Variants in ADRA1A observed in about 807,000 individuals in gnomAD.
ADRA1A encodes the protein alpha-1A adrenergic receptor.
A neutral mutation model predicts 29.6 loss-of-function variants in ADRA1A; 31 were observed. The ratio of observed to expected loss-of-function variants is 1.05; its 90% CI spans 0.79 to 1.41. The LOEUF (loss-of-function observed/expected upper bound fraction) is 1.41, where lower values mean the gene tolerates loss of function less well. Ranked by LOEUF, ADRA1A falls within the 40% of genes most tolerant of loss-of-function variation. The pLI is 0.00. For synonymous variants in ADRA1A, 311 were observed against 254.3 expected, an observed-to-expected ratio of 1.22 and a Z score of -2.12; for missense variants, 619 against 601.1, an observed-to-expected ratio of 1.03 and a Z score of -0.31.
At chr8:26,832,278 C>T (rs1244720505) in intron 2 of ADRA1A, among the ~76,000 whole-genome samples, 1 of 152,160 alleles carries the variant, frequency 6.6e-6, no homozygotes, top group African/African-American at 2.4e-5. Flanking sequence ...AGTGACCTGG[C>T]AACATCGTTA....
At chr8:26,829,024 A>G (rs1025409586) in intron 2 of ADRA1A, among the ~76,000 whole-genome samples, 1 of 152,214 alleles carries the variant, frequency 6.6e-6, no homozygotes, top group African/African-American at 2.4e-5. Flanking sequence ...TCAAGTGTAT[A>G]GTGGCTGGTG....
intron 2 of ADRA1A, among the ~76,000 whole-genome samples, chr8:26,850,108 T>C (rs1812517637): frequency 6.7e-6 from 1 of 148,954 alleles, no homozygotes; most frequent in Non-Finnish European, 1.5e-5. Context: ...GCAGAGGACA[T>C]CATCATTAAA....
chr8:26,856,669 C>A (rs1010157599), intron 2 of ADRA1A, among the ~76,000 whole-genome samples: 3 of 152,174 alleles, frequency 2.0e-5, no homozygotes, highest in African/African-American at 7.2e-5. Context: ...TAGTCAAGCC[C>A]TCCTTCCCAG....
chr8:26,804,394 T>C (rs1332552184), intron 2 of ADRA1A, among the ~76,000 whole-genome samples: 1 of 152,120 alleles, frequency 6.6e-6, no homozygotes, highest in Non-Finnish European at 1.5e-5. Flanking sequence ...GTATAAAAAA[T>C]TATACCTATT....
chr8:26,803,346 T>A (rs1362942220), intron 2 of ADRA1A, among the ~76,000 whole-genome samples: 1 of 152,156 alleles, frequency 6.6e-6, no homozygotes. Context: ...ATGTACTCCA[T>A]AAATGTATCC....
intron 2 of ADRA1A, among the ~76,000 whole-genome samples, chr8:26,833,039 C>T (rs527340): frequency 0.23 from 34,609 of 152,076 alleles, 4,244 homozygotes; most frequent in Non-Finnish European, 0.28. Context: ...CACGGGTGCA[C>T]GATCACATGT....
intron 2 of ADRA1A, among the ~76,000 whole-genome samples, chr8:26,793,184 A>C (rs1052207524): frequency 2.0e-5 from 3 of 151,972 alleles, no homozygotes; most frequent in African/African-American, 7.2e-5. Flanking sequence ...TTATGTACCA[A>C]GAGATAGCAA....
At chr8:26,794,998 T>G (rs1476982115) in intron 2 of ADRA1A, among the ~76,000 whole-genome samples, 1 of 152,138 alleles carries the variant, frequency 6.6e-6, no homozygotes, top group African/African-American at 2.4e-5. Context: ...AAACGTTGTA[T>G]TTTTTAAAAA....
At chr8:26,755,056 T>G (rs537828273), downstream of ADRA1A, among the ~76,000 whole-genome samples, 1 of 152,374 alleles carries the variant, frequency 6.6e-6, no homozygotes, top group South Asian at 2.1e-4. Context: ...AAACAATTTC[T>G]CAATTAGTAG....
At chr8:26,850,688 C>T (rs1416210428) in intron 2 of ADRA1A, among the ~76,000 whole-genome samples, 3 of 152,164 alleles carry the variant, frequency 2.0e-5, no homozygotes, top group Non-Finnish European at 2.9e-5. Flanking sequence ...GACGGGGTTT[C>T]ACCTTGTTGG....
At chr8:26,845,380 C>T (rs560372150) in intron 2 of ADRA1A, among the ~76,000 whole-genome samples, 6 of 152,278 alleles carry the variant, frequency 3.9e-5, no homozygotes, top group Non-Finnish European at 7.4e-5. Flanking sequence ...AAAGCAACAT[C>T]ACTAGAGATA....
At chr8:26,813,520 C>G (rs1809561287) in intron 2 of ADRA1A, among the ~76,000 whole-genome samples, 1 of 152,046 alleles carries the variant, frequency 6.6e-6, no homozygotes, top group Non-Finnish European at 1.5e-5. Flanking sequence ...ATCCATCCAT[C>G]CATCCATCCA....
chr8:26,813,046 A>G (rs1309567932), intron 2 of ADRA1A, among the ~76,000 whole-genome samples: 1 of 149,570 alleles, frequency 6.7e-6, no homozygotes, highest in Non-Finnish European at 1.5e-5. Flanking sequence ...GAGTTGCGCT[A>G]TCGTCTAACT....
chr8:26,798,807 C>G (rs979896783), intron 2 of ADRA1A, among the ~76,000 whole-genome samples: 1 of 152,192 alleles, frequency 6.6e-6, no homozygotes, highest in African/African-American at 2.4e-5. Flanking sequence ...CTACCACCAT[C>G]CCCATGACAA....
intron 2 of ADRA1A, among the ~76,000 whole-genome samples, chr8:26,839,351 G>T (rs752600621): frequency 1.3e-5 from 2 of 152,026 alleles, no homozygotes; most frequent in East Asian, 3.9e-4. Flanking sequence ...GTAGAGACGG[G>T]GTTTCACTGT....
chr8:26,754,669 A>C (rs1805072418), downstream of ADRA1A, among the ~76,000 whole-genome samples: 1 of 152,194 alleles, frequency 6.6e-6, no homozygotes, highest in African/African-American at 2.4e-5. Context: ...GTTCATGGTT[A>C]AATGGCGTCA....
In ADRA1A at chr8:26,770,771, A is replaced by G. The variant is rs61760515; in HGVS notation, c.884-105T>C. 3,334 of 1,433,314 alleles carry G rather than the reference A, an allele frequency of 2.3e-3. 10 individuals are homozygous for G. Among genetic ancestry groups the G allele is most frequent in the Non-Finnish European group, 2.8e-3 (3,092 of 1,091,134 alleles). The allele number at this position is 1,433,314 out of a possible 1,614,324, so 88.8% of individuals were successfully genotyped here. A position where few individuals can be genotyped will look rare whatever the true frequency, so the allele number is the denominator to read the frequency against. ...TCTTTCTGTATTTTTAAACGGTTAAAATGATCCCAAACACATATGAGTTTC... is the reference window on the plus strand; with the variant it reads ...TCTTTCTGTATTTTTAAACGGTTAAGATGATCCCAAACACATATGAGTTTC... On this transcript the variant is annotated intron_variant, in intron 2 of 2. Coordinates refer to ENST00000380573, the MANE Select transcript of ADRA1A (RefSeq NM_000680.4).
intron 2 of ADRA1A, among the ~76,000 whole-genome samples, chr8:26,813,076 C>G (rs979720852): frequency 6.6e-6 from 1 of 152,058 alleles, no homozygotes; most frequent in African/African-American, 2.4e-5. Flanking sequence ...CACTCATACC[C>G]TTCCTGTCAA....
upstream of ADRA1A, chr8:26,867,320 G>C (rs1450615151): frequency 1.0e-6 from 1 of 985,336 alleles, no homozygotes; most frequent in South Asian, 4.7e-5. Flanking sequence ...TGCTGCTACC[G>C]TATTACTCTA....
Sources: gnomAD v4.1 joint callset for allele counts (sites outside exome capture counted in the v4.1 genomes callset) on GRCh38, gnomAD v4.1.1 for gene constraint, MANE v1.5 for transcripts, NCBI Gene and HGNC (gene_info 2026-07-23, HGNC 2026-07-21) for gene names.